Variants in HYLS1 observed in about 807,000 individuals in gnomAD.
HYLS1 encodes the protein HYLS1 centriolar and ciliogenesis associated.
HYLS1 carries 25 observed loss-of-function variants against 29.4 expected under a neutral mutation model. The ratio of observed to expected loss-of-function variants is 0.85; its 90% confidence interval spans 0.62 to 1.19. The LOEUF (loss-of-function observed/expected upper bound fraction) is 1.19. Among genes scored for constraint, HYLS1 ranks in the 50% most tolerant of loss-of-function variants. HYLS1 has a pLI of 0.00. For missense variants in HYLS1, 352 were observed against 365.1 expected (o/e 0.96, Z 0.29); for synonymous variants, 128 against 126.7 (o/e 1.01, Z -0.07).
chr11:125,895,235 C>A (rs774278692), intron 2 of HYLS1: 6 of 1,586,396 alleles, frequency 3.8e-6, no homozygotes, highest in Non-Finnish European at 5.1e-6. Flanking sequence ...TATATTGAGG[C>A]TTTTGGGGAT....
upstream of HYLS1, among the ~76,000 whole-genome samples, chr11:125,886,883 C>A (rs947796007): frequency 7.5e-6 from 1 of 133,936 alleles, no homozygotes; most frequent in African/African-American, 2.7e-5. Context: ...TACTCTCCAG[C>A]CTGGGCAACT....
intron 1 of HYLS1, chr11:125,887,971 G>T: frequency 6.6e-6 from 1 of 152,372 alleles, no homozygotes; most frequent in Non-Finnish European, 1.5e-5. Flanking sequence ...AGCTACAGGC[G>T]ATGTGCGCGG....
intron 2 of HYLS1, chr11:125,893,381 A>G (rs1944468151): frequency 6.4e-6 from 1 of 155,668 alleles, no homozygotes; most frequent in Non-Finnish European, 1.4e-5. Context: ...ATATTCTTAA[A>G]TTCTGTCTTA....
chr11:125,895,561 C>T, intron 2 of HYLS1: 1 of 1,614,186 alleles, frequency 6.2e-7, no homozygotes, highest in Non-Finnish European at 8.5e-7. Context: ...ATATCTAAAT[C>T]AGCACGAGGG....
At chr11:125,893,702 T>G in intron 2 of HYLS1, 1 of 1,124,388 alleles carries the variant, frequency 8.9e-7, no homozygotes, top group South Asian at 2.0e-5. Flanking sequence ...GAATTCCTAG[T>G]ACTTGCAAGT....
At chr11:125,888,569 G>C (rs994566256) in intron 1 of HYLS1, among the ~76,000 whole-genome samples, 1 of 152,012 alleles carries the variant, frequency 6.6e-6, no homozygotes, top group Non-Finnish European at 1.5e-5. Context: ...AGGAGTTCGA[G>C]ACCAGCCCGA....
chr11:125,886,042 T>C (rs1944299360), upstream of HYLS1, among the ~76,000 whole-genome samples: 1 of 151,718 alleles, frequency 6.6e-6, no homozygotes, highest in South Asian at 2.1e-4. Flanking sequence ...ATAATAGAAA[T>C]AAAGTGCACA....
In HYLS1 at chr11:125,900,341, C is replaced by T; in HGVS notation, c.*73C>T. 6.9e-7 allele frequency: 1 copy of T among 1,444,782 alleles called. No homozygotes were observed. The highest frequency in any genetic ancestry group is 9.7e-7 in the Non-Finnish European group (1 of 1,030,428). 89.5% of individuals were successfully genotyped at this position (1,444,782 alleles called of 1,614,324 possible). On this transcript the variant is annotated 3_prime_UTR_variant, in exon 3 of 3. Transcript: ENST00000425380. ...TTATATCTTCCCTTTTAAATAGAAA[C>T]AACTGTCTTGAGAAGCTCTTCGAAA...
intron 2 of HYLS1, chr11:125,899,117 C>G (rs2134256060): frequency 2.0e-6 from 1 of 502,450 alleles, no homozygotes; most frequent in South Asian, 2.6e-5. Context: ...CTGAAGGTGG[C>G]AAGACAGTAG....
chr11:125,894,210 G>C (rs1313477631), intron 2 of HYLS1: 16 of 1,613,672 alleles, frequency 9.9e-6, no homozygotes, highest in Non-Finnish European at 1.4e-5. Flanking sequence ...TTGAACTCCT[G>C]AGCCTCCTGG....
chr11:125,893,600 G>A (rs185978919), intron 2 of HYLS1: 54 of 518,792 alleles, frequency 1.0e-4, no homozygotes, highest in African/African-American at 1.0e-3. Context: ...ACCGGGATAA[G>A]AGAATATTTG....
At chr11:125,885,970 G>A (rs538122156), upstream of HYLS1, among the ~76,000 whole-genome samples, 7 of 152,050 alleles carry the variant, frequency 4.6e-5, no homozygotes, top group East Asian at 1.2e-3. Context: ...ACAAGCTCAG[G>A]GCTCCCACTG....
At chr11:125,889,875 A>T (rs934387647) in intron 1 of HYLS1, among the ~76,000 whole-genome samples, 1 of 152,172 alleles carries the variant, frequency 6.6e-6, no homozygotes, top group African/African-American at 2.4e-5. Flanking sequence ...AAATCTTATC[A>T]ATCTGAAATG....
At chr11:125,894,602 T>G (rs1293113067) in intron 2 of HYLS1, among the ~76,000 whole-genome samples, 1 of 152,212 alleles carries the variant, frequency 6.6e-6, no homozygotes, top group Non-Finnish European at 1.5e-5. Context: ...GGCATTGCAA[T>G]TTTGTATAGT....
At chr11:125,899,270 C>T (rs980754646) in intron 2 of HYLS1, 74 bp from the exon 3 acceptor site, 14 of 1,020,784 alleles carry the variant, frequency 1.4e-5, no homozygotes, top group Admixed American at 1.0e-4. Context: ...TGCTATAAAA[C>T]GGAGATAAGG....
chr11:125,884,820 T>C (rs1359006651), upstream of HYLS1, among the ~76,000 whole-genome samples: 2 of 152,218 alleles, frequency 1.3e-5, no homozygotes, highest in Non-Finnish European at 2.9e-5. Flanking sequence ...GGCTTCATTA[T>C]GTATGGTTTT....
chr11:125,899,706 C>T lies in HYLS1; in HGVS notation c.338C>T (p.Ser113Leu), dbSNP rs746276069. Reference sequence around the variant, plus strand: ...GGGGAAGTATTAGTAACAGATGAGTCGATTATCAGTGAATCAGAATCTGGT... The same window carrying T: ...GGGGAAGTATTAGTAACAGATGAGTTGATTATCAGTGAATCAGAATCTGGT... Reference protein sequence around the residue: ...PDGEVLVTDESIISESESGTE... With the variant: ...PDGEVLVTDELIISESESGTE... Residue 113 changes from serine to leucine, a missense_variant, in exon 3 of 3, where the codon TCG (serine) becomes TTG (leucine). Coordinates refer to ENST00000425380, the MANE Select transcript of HYLS1 (RefSeq NM_001134793.2). The T allele has an allele frequency of 5.6e-6, 9 of 1,613,912 alleles. No individual in the cohort carries two copies. The highest frequency in any genetic ancestry group is 2.7e-5 in the African/African-American group (2 of 74,896).
At chr11:125,891,786 A>G (rs1340727479) in intron 2 of HYLS1, among the ~76,000 whole-genome samples, 2 of 152,166 alleles carry the variant, frequency 1.3e-5, no homozygotes, top group Non-Finnish European at 2.9e-5. Flanking sequence ...GCTAGGATAT[A>G]ACAGCTATTA....
intron 1 of HYLS1, among the ~76,000 whole-genome samples, chr11:125,888,769 C>CA (rs34094193): frequency 0.052 from 1,807 of 34,622 alleles, 64 homozygotes; most frequent in African/African-American, 0.1. Context: ...ACTCTTGTCT[C>CA]AAAAAAAAAA....
Sources: gnomAD v4.1 joint callset for allele counts (sites outside exome capture counted in the v4.1 genomes callset) on GRCh38, gnomAD v4.1.1 for gene constraint, MANE v1.5 for transcripts, NCBI Gene and HGNC (gene_info 2026-07-23, HGNC 2026-07-21) for gene names.